Variants in PCSK6 observed in about 807,000 individuals in gnomAD.
PCSK6 encodes paired basic amino acid cleaving enzyme 4.
A neutral mutation model predicts 123.3 loss-of-function variants in PCSK6; 85 were observed. The observed-to-expected ratio is 0.69, with a 90% CI of 0.58 to 0.83. PCSK6 has a LOEUF of 0.83. Ranked by LOEUF, PCSK6 falls within the 40% of genes least tolerant of loss-of-function variation. PCSK6 has a pLI of 0.00. For missense variants in PCSK6, 1,191 were observed against 1,282.3 expected (o/e 0.93, Z 1.09); for synonymous variants, 508 against 516.0 (o/e 0.98, Z 0.21).
chr15:101,331,967 A>G lies in PCSK6; in HGVS notation c.1923T>C (p.Ser641=), dbSNP rs1234699974. Residue 641 remains serine (S), a synonymous_variant, in exon 14 of 22, where the codon AGT becomes AGC. Coordinates refer to ENST00000611716, the MANE Select transcript of PCSK6 (RefSeq NM_002570.5). ...GTAEHPYHTF[S]AHQSRSRMLE... is the part of the protein sequence containing the mutation. ...GCATCCGCGAGCGGGACTGATGGGC[A>G]CTGAAGGTGTGGTACGGGTGCTCTG... is the stretch of plus-strand genomic sequence containing the variant. 1.9e-6 allele frequency: 3 copies of G among 1,613,842 alleles called. No homozygotes were observed. The highest frequency in any genetic ancestry group is 4.5e-5 in the East Asian group (2 of 44,884).
chr15:101,412,439 T>C (rs966242136), intron 6 of PCSK6, among the ~76,000 whole-genome samples: 10 of 152,020 alleles, frequency 6.6e-5, no homozygotes, highest in East Asian at 1.9e-4. Flanking sequence ...TTTAAGGATA[T>C]ACTAGTTGTA....
At chr15:101,448,683 G>T (rs1323708817) in intron 1 of PCSK6, among the ~76,000 whole-genome samples, 1 of 152,228 alleles carries the variant, frequency 6.6e-6, no homozygotes, top group Non-Finnish European at 1.5e-5. Context: ...ACAGAGCAGT[G>T]AAACTGTTCA....
intron 11 of PCSK6, among the ~76,000 whole-genome samples, chr15:101,376,600 A>G (rs891600411): frequency 6.6e-6 from 1 of 152,266 alleles, no homozygotes; most frequent in Non-Finnish European, 1.5e-5. Flanking sequence ...TTTGTGGAAC[A>G]GTACCACAAA....
intron 6 of PCSK6, among the ~76,000 whole-genome samples, chr15:101,410,557 G>T (rs1181819288): frequency 6.6e-6 from 1 of 152,210 alleles, no homozygotes; most frequent in Non-Finnish European, 1.5e-5. Context: ...ACCTTTTTAG[G>T]CCAGGAGGAA....
intron 7 of PCSK6, among the ~76,000 whole-genome samples, chr15:101,396,923 A>G (rs1398815329): frequency 1.3e-5 from 2 of 151,586 alleles, no homozygotes; most frequent in Admixed American, 6.6e-5. Flanking sequence ...GTGGGTAGAT[A>G]CCCTGTATTT....
chr15:101,404,457 GC>G (rs2042708762), intron 6 of PCSK6, among the ~76,000 whole-genome samples: 2 of 152,150 alleles, frequency 1.3e-5, no homozygotes, highest in African/African-American at 4.8e-5. Context: ...GGGACACTGG[GC>G]CCAAGTGTCC....
chr15:101,435,201 C>T (rs1316523943), intron 2 of PCSK6, among the ~76,000 whole-genome samples: 4 of 152,016 alleles, frequency 2.6e-5, no homozygotes, highest in South Asian at 2.1e-4. Flanking sequence ...CCAAACCAAG[C>T]GACTAAAACT....
intron 6 of PCSK6, among the ~76,000 whole-genome samples, chr15:101,413,793 A>T (rs1020524425): frequency 1.3e-5 from 2 of 152,204 alleles, no homozygotes; most frequent in African/African-American, 4.8e-5. Flanking sequence ...GAAAACATTC[A>T]CAGGTACCTC....
chr15:101,376,741 G>A (rs2041755743), intron 11 of PCSK6, among the ~76,000 whole-genome samples: 1 of 152,230 alleles, frequency 6.6e-6, no homozygotes, highest in Non-Finnish European at 1.5e-5. Flanking sequence ...ATAACCAGCT[G>A]GTTAAGTTTG....
chr15:101,397,495 C>T (rs2042447498), intron 7 of PCSK6, among the ~76,000 whole-genome samples: 1 of 152,160 alleles, frequency 6.6e-6, no homozygotes, highest in Non-Finnish European at 1.5e-5. Context: ...GCCACCCCCT[C>T]CCATTCTCCC....
intron 9 of PCSK6, among the ~76,000 whole-genome samples, chr15:101,387,547 G>A (rs764109159): frequency 3.3e-5 from 5 of 152,162 alleles, no homozygotes; most frequent in East Asian, 1.9e-4. Flanking sequence ...AAATATAACC[G>A]CATGGAAAAT....
intron 1 of PCSK6, among the ~76,000 whole-genome samples, chr15:101,467,854 G>T (rs9806495): frequency 6.6e-6 from 1 of 152,084 alleles, no homozygotes; most frequent in African/African-American, 2.4e-5. Flanking sequence ...CCGGAGATAC[G>T]CAAGCCACGC....
intron 7 of PCSK6, 137 bp from the exon 8 acceptor site, chr15:101,393,561 G>T (rs1231342559): frequency 7.8e-6 from 5 of 639,530 alleles, no homozygotes; most frequent in Non-Finnish European, 1.1e-5. Flanking sequence ...TCTGGATGCT[G>T]CTGAGAGCAT....
At chr15:101,373,202 T>C (rs1429576980) in intron 11 of PCSK6, among the ~76,000 whole-genome samples, 3 of 152,338 alleles carry the variant, frequency 2.0e-5, no homozygotes, top group African/African-American at 7.2e-5. Context: ...CCAGCCCCGC[T>C]GCTGCTGCCT....
intron 1 of PCSK6, among the ~76,000 whole-genome samples, chr15:101,485,542 T>A (rs2058000348): frequency 6.6e-6 from 1 of 152,222 alleles, no homozygotes; most frequent in South Asian, 2.1e-4. Flanking sequence ...TTATATACAG[T>A]CTTTAATCCC....
At chr15:101,337,186 G>A (rs2141380443) in intron 13 of PCSK6, 1 of 152,272 alleles carries the variant, frequency 6.6e-6, no homozygotes, top group Non-Finnish European at 1.5e-5. Context: ...TGTATTTTTA[G>A]TAGAGATGGG....
At chr15:101,399,238 C>T (rs1250263659) in intron 6 of PCSK6, among the ~76,000 whole-genome samples, 1 of 152,234 alleles carries the variant, frequency 6.6e-6, no homozygotes, top group East Asian at 1.9e-4. Flanking sequence ...CAGAGGCTTT[C>T]CACCTCTCCC....
At chr15:101,448,096 G>C (rs1017350590) in intron 1 of PCSK6, among the ~76,000 whole-genome samples, 1 of 152,222 alleles carries the variant, frequency 6.6e-6, no homozygotes, top group Non-Finnish European at 1.5e-5. Flanking sequence ...ATACGTTCTT[G>C]TTCTCTTTGG....
At chr15:101,394,362 G>A (rs935222175) in intron 7 of PCSK6, among the ~76,000 whole-genome samples, 8 of 152,204 alleles carry the variant, frequency 5.3e-5, no homozygotes, top group South Asian at 4.2e-4. Flanking sequence ...CTGCAGCTCC[G>A]CTCTATCCCA....
Sources: allele counts gnomAD v4.1 joint callset (sites outside exome capture counted in the v4.1 genomes callset), GRCh38; gene constraint gnomAD v4.1.1; transcripts MANE v1.5; gene names NCBI Gene and HGNC (gene_info 2026-07-23, HGNC 2026-07-21).